Variants in KDM5A observed in about 807,000 individuals in gnomAD.
The protein encoded by KDM5A is lysine-specific demethylase 5A.
In KDM5A, 42 loss-of-function variants were observed where a neutral mutation model predicts 193.5. The observed-to-expected ratio is 0.22, with a 90% confidence interval of 0.17 to 0.28. The LOEUF (loss-of-function observed/expected upper bound fraction) is 0.28. Ranked by LOEUF, KDM5A falls within the 10% of genes least tolerant of loss-of-function variation. The probability of loss-of-function intolerance (pLI) is 1.00; values close to 1 mark genes in which losing one functional copy is unlikely to be tolerated. For missense variants in KDM5A, 1,692 were observed against 2,055.1 expected (o/e 0.82, Z 3.42); for synonymous variants, 796 against 718.1 (o/e 1.11, Z -1.73).
chr12:355,074 C>A, intron 7 of KDM5A, 84 bp downstream of exon 7: 1 of 844,600 alleles, frequency 1.2e-6, no homozygotes. Flanking sequence ...TAACTAAACA[C>A]ATACCATGAT....
rs766840401 is a variant in KDM5A, at chr12:311,079, T to C, written c.3037-15A>G. ...TTGCTGCCACTCTGAAAAACCAAAG[T>C]AGATTCTCACAATTTGAGTTCTCTT... is the stretch of plus-strand genomic sequence containing the variant. On this transcript the variant is annotated splice_polypyrimidine_tract_variant and intron_variant, in intron 20 of 27. Transcript: ENST00000399788. The C allele has an allele frequency of 6.2e-7, 1 of 1,613,830 alleles. No homozygotes were observed. The highest frequency in any genetic ancestry group is 1.7e-5 in the Admixed American group (1 of 60,002).
At chr12:347,855 A>C (rs558283187) in intron 10 of KDM5A, among the ~76,000 whole-genome samples, 1 of 152,354 alleles carries the variant, frequency 6.6e-6, no homozygotes, top group African/African-American at 2.4e-5. Context: ...AGGCATGGGC[A>C]AGGACTTCAT....
Position 366,097 on chromosome 12 carries a change from G to A in KDM5A, c.374C>T (p.Ala125Val), listed in dbSNP as rs1335996948. Residue 125 changes from alanine (A) to valine (V), a missense_variant, in exon 4 of 28, where the codon GCC (alanine) becomes GTC (valine). By Grantham distance (64) the Ala-to-Val change is moderately conservative. Transcript: ENST00000399788. The stretch of plus-strand genomic sequence containing the variant: ...GACCATTTCAAAACCTCCTTTGCTG[G>A]CAACAATCTGAAAAGAAAGTAAAAG... Reference protein sequence around the residue: ...LDLYALSKIVASKGGFEMVTK... With the variant: ...LDLYALSKIVVSKGGFEMVTK... 8.1e-6 allele frequency: 13 copies of A among 1,613,680 alleles called. No homozygotes were observed. The highest frequency in any genetic ancestry group is 1.1e-5 in the Non-Finnish European group (13 of 1,179,832).
chr12:345,120 C>T (rs551247846), intron 10 of KDM5A, among the ~76,000 whole-genome samples: 5 of 152,120 alleles, frequency 3.3e-5, no homozygotes, highest in African/African-American at 1.2e-4. Context: ...GTTGCAATCC[C>T]AGTCTCTGAT....
At position 321,005 on chromosome 12, in the gene KDM5A, C is replaced by T. The variant is rs370349922; in HGVS notation, c.2531G>A (p.Arg844Gln). Residue 844 changes from arginine (R) to glutamine (Q), a missense_variant, in exon 18 of 28, where the codon CGG (arginine) becomes CAG (glutamine). Physicochemically the swap from Arg to Gln is conservative, Grantham distance 43. This residue lies in a region of KDM5A where 965 missense variants were observed against 1,061.0 expected (regional missense o/e 0.91). Transcript: ENST00000399788. ...GATGTAATACTCCACCTTTACTTGC[C>T]GAGCTTGGCTGATGACACACGGAAG... is the stretch of plus-strand genomic sequence containing the variant. ...FSLPCVISQA[R>Q]QVKNLLDDVE... 46 of 1,611,588 alleles carry T rather than the reference C, an allele frequency of 2.9e-5. No homozygotes were observed. The East Asian group carries it at 4.2e-4, about 15-fold the overall frequency.
At chr12:291,728 C>A (rs1328427366) in intron 27 of KDM5A, among the ~76,000 whole-genome samples, 1 of 151,982 alleles carries the variant, frequency 6.6e-6, no homozygotes, top group Non-Finnish European at 1.5e-5. Context: ...ACAGATTTAT[C>A]AATATTCTTG....
At position 381,407 on chromosome 12, in the gene KDM5A, G is replaced by A. The variant is rs963896990; in HGVS notation, c.366+2624C>T. Among the ~76,000 whole-genome samples, 5 of 152,006 alleles carry A rather than the reference G, an allele frequency of 3.3e-5. No individual in the cohort carries two copies. The East Asian group carries it at 5.8e-4, about 18-fold the overall frequency. ...GATTACAGGCATGAGCCACAGTGCC[G>A]AGCCAATTTTTGAAATTTTTTTTGT... On this transcript the variant is annotated intron_variant, in intron 3 of 27. Transcript: ENST00000399788.
chr12:385,737 T>C (rs1218844555), intron 2 of KDM5A, among the ~76,000 whole-genome samples, 160 bp downstream of exon 2: 1 of 152,196 alleles, frequency 6.6e-6, no homozygotes, highest in Non-Finnish European at 1.5e-5. Flanking sequence ...GCACAGTTTT[T>C]AAAAAATCAT....
chr12:301,331 C>A (rs1287431225), intron 24 of KDM5A, among the ~76,000 whole-genome samples: 1 of 152,152 alleles, frequency 6.6e-6, no homozygotes, highest in South Asian at 2.1e-4. Context: ...TTATCCACCA[C>A]GATCAAGTCA....
intron 4 of KDM5A, among the ~76,000 whole-genome samples, chr12:365,617 G>T (rs1428531289): frequency 6.6e-6 from 1 of 152,100 alleles, no homozygotes. Context: ...TACCAACGGT[G>T]CACCCACAAA....
chr12:378,005 A>G (rs531782916), intron 3 of KDM5A, among the ~76,000 whole-genome samples: 6 of 152,356 alleles, frequency 3.9e-5, no homozygotes, highest in Admixed American at 1.3e-4. Context: ...GATTAATAAA[A>G]ATTAATGTAA....
At chr12:343,548 C>T (rs184029081) in intron 10 of KDM5A, among the ~76,000 whole-genome samples, 15 of 152,266 alleles carry the variant, frequency 9.9e-5, no homozygotes, top group Admixed American at 3.3e-4. Flanking sequence ...CACTCTGGGA[C>T]GAAGCTTCCA....
chr12:388,821 G>C, intron 1 of KDM5A, 106 bp downstream of exon 1: 3 of 1,348,082 alleles, frequency 2.2e-6, no homozygotes, highest in South Asian at 1.2e-5. Flanking sequence ...TGTCTCAAAA[G>C]AGAGTACATA....
At chr12:305,933 C>T (rs954263189) in intron 24 of KDM5A, among the ~76,000 whole-genome samples, 4 of 148,086 alleles carry the variant, frequency 2.7e-5, no homozygotes, top group East Asian at 2.0e-4. Flanking sequence ...ACCATCCAGA[C>T]GAGAAAGCAG....
chr12:307,280 C>T lies in KDM5A; in HGVS notation c.3930+174G>A, dbSNP rs1591904896. Among the ~76,000 whole-genome samples the T allele has an allele frequency of 6.6e-6, 1 of 152,116 alleles. No individual in the cohort carries two copies. Among genetic ancestry groups the T allele is most frequent in the Admixed American group, 6.6e-5 (1 of 15,264 alleles). Reference sequence around the variant, plus strand: ...CTGAATGATATTACCAAGAATATTTCACTAAGTACGTATCCAAAAAAAGTG... The same window carrying T: ...CTGAATGATATTACCAAGAATATTTTACTAAGTACGTATCCAAAAAAAGTG... On this transcript the variant is annotated intron_variant, in intron 23 of 27. Coordinates refer to ENST00000399788, the MANE Select transcript of KDM5A (RefSeq NM_001042603.3). This position sits in a 1 kb window ranked among gnomAD's most constrained non-coding sequence, Gnocchi z 4.3.
In KDM5A at chr12:318,349, T is replaced by G; in HGVS notation, c.2654A>C (p.Tyr885Ser). The G allele has an allele frequency of 6.2e-7, 1 of 1,614,176 alleles. No homozygotes were observed. The highest frequency in any genetic ancestry group is 8.5e-7 in the Non-Finnish European group (1 of 1,180,004). Reference sequence around the variant, plus strand: ...TCGTGGTAATTCAGGGAGTTCCACATAGAGACTAGAGCCCATATCTATCAA... The same window carrying G: ...TCGTGGTAATTCAGGGAGTTCCACAGAGAGACTAGAGCCCATATCTATCAA... ...QMLIDMGSSL[Y>S]VELPELPRLK... The change falls in exon 19 of 28, where the codon TAT becomes TCT. Residue 885 changes from tyrosine to serine, a missense_variant. Tyr to Ser is a moderately radical substitution (Grantham distance 144). Around this residue, in one of 11 missense-constraint regions of KDM5A, gnomAD observed 965 missense variants for 1,061.0 expected, o/e 0.91. Coordinates refer to ENST00000399788, the MANE Select transcript of KDM5A (RefSeq NM_001042603.3).
intron 13 of KDM5A, among the ~76,000 whole-genome samples, chr12:330,075 G>GTATATATATATA: frequency 7.8e-6 from 1 of 128,252 alleles, no homozygotes; most frequent in East Asian, 2.5e-4. Context: ...GTGTGTGTGT[G>GTATATATATATA]TGTGTGTGTG....
chr12:332,262 G>A (rs866734643), intron 12 of KDM5A, among the ~76,000 whole-genome samples: 10 of 152,026 alleles, frequency 6.6e-5, no homozygotes, highest in African/African-American at 1.9e-4. Context: ...TTCTTGTATC[G>A]TAAATAGTGG....
chr12:359,294 C>A (rs999970015), intron 5 of KDM5A, among the ~76,000 whole-genome samples: 2 of 152,164 alleles, frequency 1.3e-5, no homozygotes, highest in African/African-American at 4.8e-5. Context: ...ACAAGCACAC[C>A]GTGTGCTCAC....
Sources: allele counts gnomAD v4.1 joint callset (sites outside exome capture counted in the v4.1 genomes callset), GRCh38; gene constraint gnomAD v4.1.1; regional missense constraint gnomAD v4.1.1; non-coding constraint Gnocchi (gnomAD v3.1); transcripts MANE v1.5; gene names NCBI Gene and HGNC (gene_info 2026-07-23, HGNC 2026-07-21).